The following MMS22L variants were observed in gnomAD, a reference collection of about 807,000 sequenced individuals.
The protein encoded by MMS22L is protein MMS22-like.
Under a neutral mutation model 159.1 loss-of-function variants are expected in MMS22L, and 74 were observed. The ratio of observed to expected loss-of-function variants is 0.47; its 90% CI spans 0.39 to 0.56. MMS22L has a LOEUF of 0.56. Among genes scored for constraint, MMS22L ranks in the 20% least tolerant of loss-of-function variants. The pLI is 0.00. For missense variants in MMS22L, 1,351 were observed against 1,422.1 expected (o/e 0.95, Z 0.80); for synonymous variants, 517 against 506.9 (o/e 1.02, Z -0.27).
intron 9 of MMS22L, among the ~76,000 whole-genome samples, chr6:97,262,876 C>T (rs1021535929): frequency 1.1e-4 from 16 of 152,130 alleles, no homozygotes; most frequent in African/African-American, 3.9e-4. Context: ...GTTCTGAAGA[C>T]ATGACTGAAA....
intron 22 of MMS22L, among the ~76,000 whole-genome samples, chr6:97,160,183 G>A (rs1802296373): frequency 6.6e-6 from 1 of 151,794 alleles, no homozygotes; most frequent in Non-Finnish European, 1.5e-5. Context: ...ATAATTATAT[G>A]ATAATCTTTA....
At chr6:97,206,382 T>TACACACACACAC (rs58135635) in intron 14 of MMS22L, among the ~76,000 whole-genome samples, 10 of 146,820 alleles carry the variant, frequency 6.8e-5, no homozygotes, top group Admixed American at 4.1e-4. Flanking sequence ...ACCTCGCATG[T>TACACACACACAC]ACACACACAC....
intron 11 of MMS22L, among the ~76,000 whole-genome samples, chr6:97,240,829 G>C (rs1457035381): frequency 6.6e-6 from 1 of 151,800 alleles, no homozygotes; most frequent in African/African-American, 2.4e-5. Flanking sequence ...GTTTCACCAT[G>C]TTGGCCAGGC....
At chr6:97,240,597 C>T (rs983712916) in intron 11 of MMS22L, among the ~76,000 whole-genome samples, 4 of 151,134 alleles carry the variant, frequency 2.6e-5, no homozygotes, top group South Asian at 2.1e-4. Context: ...CACCCATCAC[C>T]TGAGCAATAT....
chr6:97,229,967 AAT>A (rs1810680086), intron 13 of MMS22L, among the ~76,000 whole-genome samples: 1 of 152,234 alleles, frequency 6.6e-6, no homozygotes, highest in Non-Finnish European at 1.5e-5. Context: ...TATTTAATAC[AAT>A]AGTTGACAAA....
intron 17 of MMS22L, among the ~76,000 whole-genome samples, chr6:97,178,935 C>T (rs1180957371): frequency 3.3e-5 from 5 of 151,976 alleles, no homozygotes; most frequent in Non-Finnish European, 7.4e-5. Context: ...CTGCATGGGA[C>T]ATTTTTTAAA....
chr6:97,230,932 G>A (rs530755316), intron 13 of MMS22L: 1 of 157,760 alleles, frequency 6.3e-6, no homozygotes, highest in South Asian at 1.8e-4. Context: ...AGATGGTGGT[G>A]TACTGCACAA....
intron 19 of MMS22L, among the ~76,000 whole-genome samples, chr6:97,170,202 C>T (rs889522803): frequency 2.0e-5 from 3 of 152,078 alleles, no homozygotes; most frequent in Non-Finnish European, 2.9e-5. Flanking sequence ...TTGAACATAT[C>T]CCTCATGAAT....
chr6:97,180,810 TCTTAC>T (rs1265596467), intron 16 of MMS22L, among the ~76,000 whole-genome samples: 7 of 152,218 alleles, frequency 4.6e-5, no homozygotes, highest in Admixed American at 1.3e-4. Context: ...ATTTGAACTC[TCTTAC>T]CTTACAACTG....
chr6:97,153,185 A>G (rs1258527402), intron 22 of MMS22L, among the ~76,000 whole-genome samples: 1 of 151,966 alleles, frequency 6.6e-6, no homozygotes, highest in Admixed American at 6.6e-5. Flanking sequence ...TATAATTCAC[A>G]TACTATATAG....
intron 17 of MMS22L, 112 bp from the exon 18 acceptor site, chr6:97,178,697 A>C (rs1017945745): frequency 4.3e-6 from 2 of 466,536 alleles, no homozygotes; most frequent in African/African-American, 2.0e-5. Context: ...AGTATTCTTC[A>C]CTTATGACAT....
chr6:97,279,028 G>A (rs1035711049), intron 3 of MMS22L, 130 bp from the exon 4 acceptor site: 23 of 639,426 alleles, frequency 3.6e-5, no homozygotes, highest in Non-Finnish European at 5.5e-5. Context: ...TTAATACCTT[G>A]TGAATGTTAA....
chr6:97,188,090 C>G (rs556706745), intron 14 of MMS22L, among the ~76,000 whole-genome samples: 1 of 152,252 alleles, frequency 6.6e-6, no homozygotes, highest in South Asian at 2.1e-4. Context: ...GGCTAGAGAA[C>G]CATTTCAGTT....
In MMS22L at chr6:97,201,565, G is replaced by A. The variant is rs575706530; in HGVS notation, c.2040-14875C>T. Among the ~76,000 whole-genome samples, 12 of 152,278 alleles carry A rather than the reference G, an allele frequency of 7.9e-5. 1 individual carries two copies. The East Asian group carries it at 2.3e-3, about 29-fold the overall frequency. ...TGCCTGGTCGTGTTAACAGGAAAAT[G>A]TTTTACGAGTTCCACCACTGGGCAT... On this transcript the variant is annotated intron_variant, in intron 14 of 24. Transcript: ENST00000683635.
intron 14 of MMS22L, among the ~76,000 whole-genome samples, chr6:97,209,187 CATTA>C (rs1325983774): frequency 6.6e-6 from 1 of 151,996 alleles, no homozygotes; most frequent in Non-Finnish European, 1.5e-5. Context: ...GTTCATTACT[CATTA>C]ATTTTCACTT....
At chr6:97,152,930 G>A (rs371346684) in intron 22 of MMS22L, among the ~76,000 whole-genome samples, 1 of 151,350 alleles carries the variant, frequency 6.6e-6, no homozygotes, top group East Asian at 1.9e-4. Context: ...CCATCTCCTG[G>A]GCTCAAGCCA....
intron 15 of MMS22L, among the ~76,000 whole-genome samples, 170 bp from the exon 16 acceptor site, chr6:97,182,224 ATGT>A (rs888613849): frequency 1.3e-5 from 2 of 152,032 alleles, no homozygotes; most frequent in Admixed American, 6.6e-5. Context: ...GAACAAATTC[ATGT>A]TGTCATAGAA....
intron 9 of MMS22L, among the ~76,000 whole-genome samples, chr6:97,258,512 C>A (rs1224166393): frequency 6.6e-6 from 1 of 152,194 alleles, no homozygotes; most frequent in East Asian, 1.9e-4. Flanking sequence ...TATGCACACA[C>A]ACACATATAC....
chr6:97,175,529 A>G (rs1804027583), intron 18 of MMS22L, among the ~76,000 whole-genome samples: 2 of 152,192 alleles, frequency 1.3e-5, no homozygotes, highest in South Asian at 4.1e-4. Context: ...ATTAAAAGCC[A>G]TTGGTCTATC....
Sources: allele counts gnomAD v4.1 joint callset (sites outside exome capture counted in the v4.1 genomes callset), GRCh38; gene constraint gnomAD v4.1.1; transcripts MANE v1.5; gene names NCBI Gene and HGNC (gene_info 2026-07-23, HGNC 2026-07-21).